MAPK4: variants seen among roughly 807,000 people sequenced by gnomAD.
MAPK4 encodes Erk3-related.
In MAPK4, 22 loss-of-function variants were observed where a neutral mutation model predicts 47.7. The observed-to-expected ratio is 0.46, with a 90% CI of 0.33 to 0.66. MAPK4 has a LOEUF of 0.66. Among genes scored for constraint, MAPK4 ranks in the 30% least tolerant of loss-of-function variants. The pLI is 0.02. For synonymous variants in MAPK4, 390 were observed against 365.7 expected (o/e 1.07, Z -0.76); for missense variants, 736 against 831.7 (o/e 0.88, Z 1.42).
chr18:50,697,170 T>C (rs1909558174), intron 2 of MAPK4, among the ~76,000 whole-genome samples: 1 of 152,248 alleles, frequency 6.6e-6, no homozygotes, highest in South Asian at 2.1e-4. Flanking sequence ...GAATTGCTGA[T>C]GTAGAGCATA....
intron 2 of MAPK4, among the ~76,000 whole-genome samples, chr18:50,689,255 A>G (rs1356516651): frequency 2.0e-5 from 3 of 148,992 alleles, no homozygotes; most frequent in Non-Finnish European, 4.4e-5. Flanking sequence ...AAATTATCCC[A>G]GGTGTGGTGG....
chr18:50,675,845 T>C (rs1908239444), intron 2 of MAPK4, among the ~76,000 whole-genome samples: 1 of 152,314 alleles, frequency 6.6e-6, no homozygotes, highest in Admixed American at 6.5e-5. Context: ...CAGGCTGGTC[T>C]TGAACTCCTG....
At chr18:50,644,934 G>T (rs928978610) in intron 1 of MAPK4, among the ~76,000 whole-genome samples, 4 of 152,198 alleles carry the variant, frequency 2.6e-5, no homozygotes, top group African/African-American at 9.7e-5. Context: ...TCTTCTAGAA[G>T]CTGCCACATG....
Position 50,663,394 on chromosome 18 carries a change from C to G in MAPK4, c.-565C>G, listed in dbSNP as rs1907387884. ...AAACAGGAGAGGTAGAAAGAAGCCC[C>G]TGGATGCCTCCAGAATTCATTGATG... On this transcript the variant is annotated 5_prime_UTR_variant, in exon 2 of 6. Transcript: ENST00000400384. 6.6e-6 allele frequency: 1 copy of G among 152,222 alleles called. No individual in the cohort carries two copies. Among genetic ancestry groups the G allele is most frequent in the African/African-American group, 2.4e-5 (1 of 41,446 alleles). The allele number at this position is 152,222 out of a possible 1,614,324, so 9.4% of individuals were successfully genotyped here. A position where few individuals can be genotyped will look rare whatever the true frequency, so the allele number is the denominator to read the frequency against.
intron 1 of MAPK4, among the ~76,000 whole-genome samples, chr18:50,596,119 C>T (rs1044584577): frequency 7.9e-5 from 12 of 152,302 alleles, no homozygotes; most frequent in African/African-American, 2.9e-4. Flanking sequence ...CACACATGTT[C>T]ACCCATTCAA....
chr18:50,681,161 G>T (rs887650613), intron 2 of MAPK4, among the ~76,000 whole-genome samples: 18 of 152,170 alleles, frequency 1.2e-4, no homozygotes, highest in African/African-American at 3.1e-4. Context: ...GATGGCTGAT[G>T]ACGTTGAACA....
intron 2 of MAPK4, among the ~76,000 whole-genome samples, chr18:50,673,199 C>T (rs1908060409): frequency 6.6e-6 from 1 of 152,154 alleles, no homozygotes; most frequent in Admixed American, 6.5e-5. Context: ...ATCTCTTGAA[C>T]CTGGGAGGCA....
At chr18:50,671,246 G>A (rs934289598) in intron 2 of MAPK4, among the ~76,000 whole-genome samples, 4 of 152,194 alleles carry the variant, frequency 2.6e-5, no homozygotes, top group Non-Finnish European at 4.4e-5. Context: ...CCCATGGCAC[G>A]AGTTTACTGG....
chr18:50,575,911 C>T (rs1158044270), intron 1 of MAPK4, among the ~76,000 whole-genome samples: 2 of 151,470 alleles, frequency 1.3e-5, no homozygotes, highest in Non-Finnish European at 2.9e-5. Flanking sequence ...CATCACTATT[C>T]ATTAGGAAAT....
rs764511921 is a variant in MAPK4 at position 50,726,181 on chromosome 18, C to T, written c.1067+6C>T. On this transcript the variant is annotated splice_donor_region_variant and intron_variant, in intron 5 of 5. Coordinates refer to ENST00000400384, the MANE Select transcript of MAPK4 (RefSeq NM_002747.4). ...TGGGACACGTGCAGTTCCAGGTGCT[C>T]GCAGCCCTGGGTTCCAGAGCCCACA... 10 of 1,613,394 alleles carry T rather than the reference C, an allele frequency of 6.2e-6. No individual in the cohort carries two copies. Among genetic ancestry groups the T allele is most frequent in the African/African-American group, 4.0e-5 (3 of 74,920 alleles).
chr18:50,717,468 A>C (rs920786), intron 3 of MAPK4, among the ~76,000 whole-genome samples: 150,042 of 152,202 alleles, frequency 0.99, 73,986 homozygotes, highest in East Asian at 1. Flanking sequence ...GCTACCCCAC[A>C]CTTCCATGTT....
chr18:50,583,258 A>G (rs1052556961), intron 1 of MAPK4, among the ~76,000 whole-genome samples: 5 of 152,184 alleles, frequency 3.3e-5, no homozygotes, highest in Non-Finnish European at 7.3e-5. Flanking sequence ...GTCTTTGGAA[A>G]AAGCACCATT....
intron 2 of MAPK4, among the ~76,000 whole-genome samples, chr18:50,679,046 G>T (rs1308608473): frequency 6.6e-6 from 1 of 152,160 alleles, no homozygotes; most frequent in Non-Finnish European, 1.5e-5. Context: ...GGTCTTCTTG[G>T]GGTCAAATTT....
intron 1 of MAPK4, among the ~76,000 whole-genome samples, chr18:50,657,698 C>G (rs144702604): frequency 2.6e-4 from 39 of 151,706 alleles, no homozygotes; most frequent in Non-Finnish European, 4.7e-4. Context: ...TTTCAGATGT[C>G]ACAGCTTGGG....
chr18:50,625,672 A>G (rs932954866), intron 1 of MAPK4, among the ~76,000 whole-genome samples: 9 of 152,136 alleles, frequency 5.9e-5, no homozygotes, highest in Non-Finnish European at 1.0e-4. Context: ...GCACATGCCC[A>G]TACCAAAGCC....
intron 1 of MAPK4, among the ~76,000 whole-genome samples, chr18:50,646,703 C>T (rs1016615465): frequency 6.6e-6 from 1 of 152,194 alleles, no homozygotes; most frequent in African/African-American, 2.4e-5. Context: ...CACAATAGGT[C>T]CTCCCCATCT....
intron 2 of MAPK4, among the ~76,000 whole-genome samples, chr18:50,665,086 C>G (rs770880991): frequency 6.6e-6 from 1 of 152,224 alleles, no homozygotes; most frequent in African/African-American, 2.4e-5. Context: ...GATGCTCTTG[C>G]TTCTCAGTGT....
chr18:50,616,892 A>G (rs2042689627), intron 1 of MAPK4, among the ~76,000 whole-genome samples: 1 of 152,174 alleles, frequency 6.6e-6, no homozygotes. Context: ...TCGTCTGGCA[A>G]CACCCTCATA....
At chr18:50,727,417 C>A in intron 5 of MAPK4, among the ~76,000 whole-genome samples, 1 of 152,162 alleles carries the variant, frequency 6.6e-6, no homozygotes, top group East Asian at 1.9e-4. Context: ...TGAGGGAGGG[C>A]CAGGGCGACG....
Sources: gnomAD v4.1 joint callset for allele counts (sites outside exome capture counted in the v4.1 genomes callset) on GRCh38, gnomAD v4.1.1 for gene constraint, MANE v1.5 for transcripts, NCBI Gene and HGNC (gene_info 2026-07-23, HGNC 2026-07-21) for gene names.